Variants in PRR11 observed in about 807,000 individuals in gnomAD.
The protein encoded by PRR11 is proline rich 11.
Under a neutral mutation model 45.6 loss-of-function variants are expected in PRR11, and 30 were observed. That is an observed-to-expected ratio of 0.66 (90% CI 0.49 to 0.89). PRR11 has a LOEUF of 0.89. Among genes scored for constraint, PRR11 ranks in the 40% least tolerant of loss-of-function variants. The probability of loss-of-function intolerance (pLI) is 0.00; values close to 1 mark genes in which losing one functional copy is unlikely to be tolerated. For missense variants in PRR11, 373 were observed against 424.8 expected (o/e 0.88, Z 1.07); for synonymous variants, 128 against 153.5 (o/e 0.83, Z 1.23).
chr17:59,156,598 C>G (rs1263897804), intron 1 of PRR11, among the ~76,000 whole-genome samples: 1 of 151,558 alleles, frequency 6.6e-6, no homozygotes, highest in Admixed American at 6.6e-5. Flanking sequence ...CAGTCATTTC[C>G]GTTGCTGCTA....
intron 2 of PRR11, among the ~76,000 whole-genome samples, chr17:59,178,020 G>A (rs1180632656): frequency 6.7e-6 from 1 of 148,176 alleles, no homozygotes; most frequent in African/African-American, 2.5e-5. Flanking sequence ...AAAAAAAACA[G>A]GTGGGCACCA....
Position 59,197,740 on chromosome 17 carries a change from G to A in PRR11, c.965G>A (p.Gly322Glu). 2.5e-6 allele frequency: 4 copies of A among 1,614,026 alleles called. No homozygotes were observed. The highest frequency in any genetic ancestry group is 3.4e-6 in the Non-Finnish European group (4 of 1,180,024). The part of the protein sequence containing the change: ...PLTNKENMET[G>E]TGLTPVMTQA... ...ACCAATAAGGAAAATATGGAAACAG[G>A]AACAGGACTGACTCCAGTGATGACG... The change falls in exon 9 of 10, where the codon GGA (glycine) becomes GAA (glutamate). Residue 322 changes from glycine to glutamate, a missense_variant. Transcript: ENST00000262293.
At chr17:59,172,266 G>A (rs1317767008) in intron 2 of PRR11, among the ~76,000 whole-genome samples, 3 of 152,182 alleles carry the variant, frequency 2.0e-5, no homozygotes, top group Admixed American at 6.5e-5. Flanking sequence ...GGAATTCAGC[G>A]GTATAAAAAT....
intron 4 of PRR11, among the ~76,000 whole-genome samples, chr17:59,186,471 C>T (rs185299616): frequency 7.3e-6 from 1 of 136,902 alleles, no homozygotes; most frequent in African/African-American, 2.7e-5. Flanking sequence ...TCATGGCTCA[C>T]TGCAACCTTG....
chr17:59,178,413 G>T (rs1599698619), intron 2 of PRR11: 2 of 475,986 alleles, frequency 4.2e-6, no homozygotes, highest in East Asian at 5.5e-5. Context: ...TTTAGAAGCT[G>T]CACCCTCCCC....
intron 9 of PRR11, among the ~76,000 whole-genome samples, chr17:59,200,891 C>T (rs1385293376): frequency 6.6e-6 from 1 of 151,798 alleles, no homozygotes; most frequent in African/African-American, 2.4e-5. Context: ...TCCCAAAGTG[C>T]TGGGATTACA....
At chr17:59,161,965 T>A (rs1199647894) in intron 1 of PRR11, among the ~76,000 whole-genome samples, 1 of 152,196 alleles carries the variant, frequency 6.6e-6, no homozygotes, top group Non-Finnish European at 1.5e-5. Flanking sequence ...TGCTTTTAAT[T>A]AAGTAATGAT....
intron 4 of PRR11, among the ~76,000 whole-genome samples, chr17:59,186,381 ATTTTTTTT>A (rs59082405): frequency 8.3e-5 from 7 of 84,610 alleles, no homozygotes; most frequent in South Asian, 3.8e-4. Flanking sequence ...GCTGTTTGTA[ATTTTTTTT>A]TTTTTTTTTT....
At chr17:59,173,946 A>G (rs1276760677) in intron 2 of PRR11, among the ~76,000 whole-genome samples, 1 of 152,238 alleles carries the variant, frequency 6.6e-6, no homozygotes, top group African/African-American at 2.4e-5. Flanking sequence ...TGTCATACTT[A>G]AAGGAGGCGG....
intron 8 of PRR11, 29 bp from the exon 9 acceptor site, chr17:59,197,664 A>G (rs746768872): frequency 1.5e-5 from 24 of 1,610,488 alleles, no homozygotes; most frequent in Non-Finnish European, 2.0e-5. Flanking sequence ...CATAAAATAC[A>G]GCTACTGTTA....
At chr17:59,174,794 G>A (rs574807454) in intron 2 of PRR11, among the ~76,000 whole-genome samples, 4 of 152,232 alleles carry the variant, frequency 2.6e-5, no homozygotes, top group East Asian at 1.9e-4. Context: ...AACGCGGTGC[G>A]ATCTCGTGCC....
At chr17:59,163,703 G>C (rs1325628365) in intron 1 of PRR11, 2 of 152,086 alleles carry the variant, frequency 1.3e-5, no homozygotes, top group African/African-American at 4.8e-5. Context: ...TGTGAGCTAA[G>C]AATGATTTAT....
At chr17:59,158,911 CCTAGATT>C (rs2046638714) in intron 1 of PRR11, among the ~76,000 whole-genome samples, 1 of 152,218 alleles carries the variant, frequency 6.6e-6, no homozygotes, top group African/African-American at 2.4e-5. Flanking sequence ...ACCTCCACCT[CCTAGATT>C]CAAGTGATTC....
In PRR11 at chr17:59,201,610, C is replaced by A. The variant is rs1369432726; in HGVS notation, c.1062C>A (p.Ser354Arg). 20 of 1,613,446 alleles carry A rather than the reference C, an allele frequency of 1.2e-5. No homozygotes were observed. The highest frequency in any genetic ancestry group is 1.6e-5 in the Non-Finnish European group (19 of 1,180,000). Residue 354 changes from serine (S) to arginine (R), a missense_variant, in exon 10 of 10, where the codon AGC (serine) becomes AGA (arginine). Coordinates refer to ENST00000262293, the MANE Select transcript of PRR11 (RefSeq NM_018304.4). ...CTCCAACTCTGCCACTTTCTACAAGCAGCTTTGATGAACAAAACTGATGCC... is the reference window on the plus strand; with the variant it reads ...CTCCAACTCTGCCACTTTCTACAAGAAGCTTTGATGAACAAAACTGATGCC... ...SPTPTLPLST[S>R]SFDEQN
chr17:59,187,910 C>T (rs900438839), intron 4 of PRR11, among the ~76,000 whole-genome samples: 3 of 149,002 alleles, frequency 2.0e-5, no homozygotes, highest in Admixed American at 6.7e-5. Flanking sequence ...GTACCAGTGA[C>T]AAAGCCTCAA....
intron 2 of PRR11, among the ~76,000 whole-genome samples, chr17:59,171,603 G>T (rs750303761): frequency 6.6e-6 from 1 of 151,964 alleles, no homozygotes; most frequent in Non-Finnish European, 1.5e-5. Flanking sequence ...AAAAATACCA[G>T]TATTTTCAAA....
intron 4 of PRR11, among the ~76,000 whole-genome samples, chr17:59,187,107 C>T (rs763919047): frequency 1.3e-5 from 2 of 152,174 alleles, no homozygotes; most frequent in South Asian, 2.1e-4. Context: ...GGCAGATCAT[C>T]TGAGATCAGG....
At chr17:59,167,246 T>G (rs1030289523) in intron 1 of PRR11, among the ~76,000 whole-genome samples, 3 of 152,202 alleles carry the variant, frequency 2.0e-5, no homozygotes, top group African/African-American at 7.2e-5. Flanking sequence ...TAATGTATAG[T>G]GAATAGGTCA....
chr17:59,162,213 G>GAC (rs58983044), intron 1 of PRR11, among the ~76,000 whole-genome samples: 16,154 of 139,360 alleles, frequency 0.12, 982 homozygotes, highest in African/African-American at 0.18. Context: ...ACCCAAGTCA[G>GAC]ACACACACAC....
Sources: allele counts gnomAD v4.1 joint callset (sites outside exome capture counted in the v4.1 genomes callset), GRCh38; gene constraint gnomAD v4.1.1; transcripts MANE v1.5; gene names NCBI Gene and HGNC (gene_info 2026-07-23, HGNC 2026-07-21).